Variants in NEDD4L observed in about 807,000 individuals in gnomAD.
NEDD4L encodes E3 ubiquitin-protein ligase NEDD4-like.
NEDD4L carries 54 observed loss-of-function variants against 148.9 expected under a neutral mutation model. The ratio of observed to expected loss-of-function variants is 0.36; its 90% confidence interval spans 0.29 to 0.45. NEDD4L has a LOEUF of 0.45. Ranked by LOEUF, NEDD4L falls within the 20% of genes least tolerant of loss-of-function variation. The probability of loss-of-function intolerance (pLI) is 1.00; values close to 1 mark genes in which losing one functional copy is unlikely to be tolerated. For missense variants in NEDD4L, 856 were observed against 1,233.8 expected (o/e 0.69, Z 4.59); for synonymous variants, 433 against 440.7 (o/e 0.98, Z 0.22).
chr18:58,321,412 G>A (rs2058759327), intron 6 of NEDD4L, among the ~76,000 whole-genome samples: 1 of 152,230 alleles, frequency 6.6e-6, no homozygotes, highest in Admixed American at 6.5e-5. Context: ...ATCCATGGCA[G>A]ATGAGGACAG....
intron 15 of NEDD4L, among the ~76,000 whole-genome samples, chr18:58,342,081 G>T (rs1000893177): frequency 6.6e-6 from 1 of 152,212 alleles, no homozygotes; most frequent in Non-Finnish European, 1.5e-5. Flanking sequence ...CGTTCTTGTT[G>T]TGTTTCGCTT....
chr18:58,373,001 T>TATA lies in NEDD4L; in HGVS notation c.2257-173_2257-172insATA, dbSNP rs1279760212. On this transcript the variant is annotated intron_variant, in intron 23 of 30. Coordinates refer to ENST00000400345, the MANE Select transcript of NEDD4L (RefSeq NM_001144967.3). ...CTCATTACAACTAAAGCAGTTTGTT[T>TATA]GTTTATAGTTTAAAGAGGAAGGTTT... 6.0e-6 allele frequency: 3 copies of TATA among 498,102 alleles called. No individual in the cohort carries two copies. In the Admixed American group the frequency reaches 9.6e-5, roughly 16 times the overall value. 30.9% of individuals were successfully genotyped at this position (498,102 alleles called of 1,614,324 possible).
chr18:58,169,436 G>A (rs996776130), intron 2 of NEDD4L, among the ~76,000 whole-genome samples: 6 of 151,962 alleles, frequency 3.9e-5, no homozygotes, highest in Non-Finnish European at 8.8e-5. Flanking sequence ...GGGACGTCCG[G>A]ACATAAGATG....
chr18:58,303,818 T>G (rs1360259596), intron 5 of NEDD4L, among the ~76,000 whole-genome samples: 1 of 152,256 alleles, frequency 6.6e-6, no homozygotes, highest in South Asian at 2.1e-4. Context: ...AGATTCTGGT[T>G]GAAATCCTAG....
intron 5 of NEDD4L, among the ~76,000 whole-genome samples, chr18:58,309,473 C>G (rs925039943): frequency 6.6e-6 from 1 of 152,136 alleles, no homozygotes; most frequent in Non-Finnish European, 1.5e-5. Flanking sequence ...GCCCCCAGAC[C>G]CTGTGGCTGC....
intron 1 of NEDD4L, among the ~76,000 whole-genome samples, chr18:58,110,697 T>G (rs552474722): frequency 1.1e-4 from 16 of 152,308 alleles, no homozygotes; most frequent in South Asian, 2.1e-4. Flanking sequence ...TTTGGTGGTG[T>G]TTTTCTAGCC....
chr18:58,158,683 T>C (rs1043061319), intron 1 of NEDD4L, among the ~76,000 whole-genome samples: 2 of 152,206 alleles, frequency 1.3e-5, no homozygotes, highest in South Asian at 2.1e-4. Flanking sequence ...CCACGTGTTA[T>C]GTGTTGGGCT....
intron 2 of NEDD4L, among the ~76,000 whole-genome samples, chr18:58,216,076 T>G (rs1337450946): frequency 6.6e-6 from 1 of 152,072 alleles, no homozygotes; most frequent in Non-Finnish European, 1.5e-5. Flanking sequence ...ATACTTTTGG[T>G]ATAGATTACC....
chr18:58,182,701 CA>C (rs999287255), intron 2 of NEDD4L, among the ~76,000 whole-genome samples: 2 of 152,020 alleles, frequency 1.3e-5, no homozygotes, highest in African/African-American at 4.8e-5. Context: ...AGAGTGGTCT[CA>C]AACTCCTGTC....
At chr18:58,066,466 C>T (rs2082602549) in intron 1 of NEDD4L, among the ~76,000 whole-genome samples, 1 of 141,730 alleles carries the variant, frequency 7.1e-6, no homozygotes, top group Non-Finnish European at 1.5e-5. Context: ...TCTCAGCTTA[C>T]TGCCACCATG....
intron 2 of NEDD4L, among the ~76,000 whole-genome samples, chr18:58,184,212 G>A (rs2147048752): frequency 1.3e-5 from 2 of 152,264 alleles, no homozygotes; most frequent in Middle Eastern, 6.8e-3. Context: ...TGTCCTGGTA[G>A]GGGTGTCTGG....
In NEDD4L at chr18:58,186,239, C is replaced by A. The variant is rs57946628; in HGVS notation, c.122+20378C>A. On this transcript the variant is annotated intron_variant, in intron 2 of 30. Coordinates refer to ENST00000400345, the MANE Select transcript of NEDD4L (RefSeq NM_001144967.3). The stretch of plus-strand genomic sequence containing the variant: ...ATATCAGCATCCCTTCTCCTTCTCT[C>A]CCCCACTCCCTCTGCCCTCTGCAGG... Among the ~76,000 whole-genome samples the A allele has an allele frequency of 9.4e-3, 1,434 of 152,328 alleles. 25 individuals carry two copies. The highest frequency in any genetic ancestry group is 0.031 in the African/African-American group (1,304 of 41,562).
chr18:58,368,290 A>G (rs2046370993), intron 22 of NEDD4L, among the ~76,000 whole-genome samples: 1 of 152,236 alleles, frequency 6.6e-6, no homozygotes, highest in Non-Finnish European at 1.5e-5. Flanking sequence ...TTTCAAAATA[A>G]TGTTACTGCT....
chr18:58,159,214 A>T (rs1019096711), intron 1 of NEDD4L, among the ~76,000 whole-genome samples: 2 of 152,010 alleles, frequency 1.3e-5, no homozygotes, highest in East Asian at 3.9e-4. Flanking sequence ...GCAATAGGAC[A>T]GTGTGTGAGA....
chr18:58,275,051 A>G (rs1461376187), intron 5 of NEDD4L, among the ~76,000 whole-genome samples: 1 of 152,180 alleles, frequency 6.6e-6, no homozygotes, highest in Non-Finnish European at 1.5e-5. Flanking sequence ...CAGCATCTTA[A>G]CACATAGTTG....
At chr18:58,182,636 C>T (rs1444544406) in intron 2 of NEDD4L, among the ~76,000 whole-genome samples, 2 of 151,720 alleles carry the variant, frequency 1.3e-5, no homozygotes, top group Non-Finnish European at 2.9e-5. Flanking sequence ...CACCTGCCAC[C>T]ACACCCAGCT....
At chr18:58,193,033 T>G (rs1047991859) in intron 2 of NEDD4L, among the ~76,000 whole-genome samples, 3 of 152,162 alleles carry the variant, frequency 2.0e-5, no homozygotes, top group African/African-American at 7.2e-5. Flanking sequence ...TTGCAAAGGT[T>G]TTTACAGTGA....
chr18:58,149,851 C>T (rs143907185), intron 1 of NEDD4L, among the ~76,000 whole-genome samples: 5 of 152,276 alleles, frequency 3.3e-5, no homozygotes, highest in South Asian at 2.1e-4. Flanking sequence ...AATGTAGGAA[C>T]ACCGTGACAG....
chr18:58,254,447 TAGTA>T (rs1192578112), intron 5 of NEDD4L, among the ~76,000 whole-genome samples: 1 of 151,958 alleles, frequency 6.6e-6, no homozygotes, highest in Non-Finnish European at 1.5e-5. Context: ...TTTGCAAACA[TAGTA>T]AGATTCCATA....
Sources: allele counts gnomAD v4.1 joint callset (sites outside exome capture counted in the v4.1 genomes callset), GRCh38; gene constraint gnomAD v4.1.1; transcripts MANE v1.5; gene names NCBI Gene and HGNC (gene_info 2026-07-23, HGNC 2026-07-21).